Variants in TAFA4 observed in about 807,000 individuals in gnomAD.
The protein encoded by TAFA4 is TAFA chemokine like family member 4, also known as chemokine-like protein TAFA-4.
TAFA4 carries 20 observed loss-of-function variants against 21.1 expected under a neutral mutation model. That is an observed-to-expected ratio of 0.95 (90% confidence interval 0.67 to 1.38). The LOEUF (loss-of-function observed/expected upper bound fraction) is 1.38, where lower values mean the gene tolerates loss of function less well. Ranked by LOEUF, TAFA4 falls within the 40% of genes most tolerant of loss-of-function variation. TAFA4 has a pLI of 0.00. For missense variants in TAFA4, 211 were observed against 180.9 expected (o/e 1.17, Z -0.95); for synonymous variants, 71 against 67.4 (o/e 1.05, Z -0.26).
chr3:68,882,604 A>T (rs2089631104), intron 2 of TAFA4, among the ~76,000 whole-genome samples: 1 of 152,198 alleles, frequency 6.6e-6, no homozygotes, highest in Admixed American at 6.5e-5. Flanking sequence ...TAACAAATAG[A>T]TTGATAGCTG....
chr3:68,889,823 C>G (rs979689152), intron 1 of TAFA4, among the ~76,000 whole-genome samples: 1 of 152,084 alleles, frequency 6.6e-6, no homozygotes, highest in Non-Finnish European at 1.5e-5. Context: ...CAAATAAAGG[C>G]AAGAAACATG....
At chr3:68,759,331 G>T (rs1245820883) in intron 3 of TAFA4, among the ~76,000 whole-genome samples, 1 of 152,144 alleles carries the variant, frequency 6.6e-6, no homozygotes, top group Non-Finnish European at 1.5e-5. Flanking sequence ...TTTTTACCAA[G>T]TATCTGGGTA....
At chr3:68,900,818 TCA>T (rs1415044492) in intron 1 of TAFA4, among the ~76,000 whole-genome samples, 4 of 152,220 alleles carry the variant, frequency 2.6e-5, no homozygotes, top group Non-Finnish European at 2.9e-5. Context: ...GGTTTTGCAA[TCA>T]CAGTTTCCAC....
At chr3:68,916,954 A>G (rs965096136) in intron 1 of TAFA4, among the ~76,000 whole-genome samples, 1 of 152,224 alleles carries the variant, frequency 6.6e-6, no homozygotes, top group Non-Finnish European at 1.5e-5. Context: ...TCTGTAAAAC[A>G]TAGTCCTGAT....
At chr3:68,811,626 A>G (rs1382606153) in intron 3 of TAFA4, among the ~76,000 whole-genome samples, 1 of 152,086 alleles carries the variant, frequency 6.6e-6, no homozygotes, top group Non-Finnish European at 1.5e-5. Flanking sequence ...TTTAGAGAAA[A>G]AAGAATAAAA....
intron 1 of TAFA4, among the ~76,000 whole-genome samples, chr3:68,922,775 T>C (rs993215719): frequency 6.6e-6 from 1 of 152,240 alleles, no homozygotes; most frequent in Non-Finnish European, 1.5e-5. Context: ...TGAGGAATTT[T>C]TTCCTTTCCT....
intron 1 of TAFA4, among the ~76,000 whole-genome samples, chr3:68,931,868 C>T (rs1386632383): frequency 6.6e-6 from 1 of 152,140 alleles, no homozygotes; most frequent in Non-Finnish European, 1.5e-5. Context: ...GTCGACTTGT[C>T]CAGAAAAGAG....
intron 1 of TAFA4, among the ~76,000 whole-genome samples, chr3:68,900,286 T>TAATAAC (rs1553652758): frequency 1.7e-4 from 5 of 28,838 alleles, no homozygotes; most frequent in Non-Finnish European, 2.3e-4. Flanking sequence ...ATAATAACAA[T>TAATAAC]AATAATAATA....
chr3:68,884,066 AG>A (rs1475214871), intron 2 of TAFA4, among the ~76,000 whole-genome samples: 1 of 152,246 alleles, frequency 6.6e-6, no homozygotes, highest in Non-Finnish European at 1.5e-5. Context: ...GATGTTCTTC[AG>A]TAATGAAAGT....
At chr3:68,928,433 G>A (rs912121671) in intron 1 of TAFA4, among the ~76,000 whole-genome samples, 1 of 152,122 alleles carries the variant, frequency 6.6e-6, no homozygotes. Context: ...TTAATAGATT[G>A]ATATTCTGAG....
intron 3 of TAFA4, among the ~76,000 whole-genome samples, chr3:68,823,416 G>C (rs1433189440): frequency 1.3e-5 from 2 of 152,030 alleles, no homozygotes; most frequent in African/African-American, 4.8e-5. Flanking sequence ...TCAAATTATG[G>C]TAGTTTTGAG....
intron 1 of TAFA4, among the ~76,000 whole-genome samples, chr3:68,925,698 T>C (rs2090100948): frequency 6.6e-6 from 1 of 152,188 alleles, no homozygotes; most frequent in East Asian, 1.9e-4. Context: ...GAATAACATA[T>C]AGCCATGAAA....
chr3:68,847,771 A>G (rs910859545), intron 3 of TAFA4, among the ~76,000 whole-genome samples: 13 of 152,248 alleles, frequency 8.5e-5, no homozygotes, highest in African/African-American at 2.9e-4. Flanking sequence ...GAACACGGTA[A>G]GGTGTGAAAC....
intron 1 of TAFA4, among the ~76,000 whole-genome samples, chr3:68,893,565 T>C (rs563428337): frequency 6.6e-6 from 1 of 152,366 alleles, no homozygotes; most frequent in South Asian, 2.1e-4. Context: ...TTTAACCGGA[T>C]GACCTCCGAG....
chr3:68,756,686 C>T (rs1011016877), intron 3 of TAFA4, among the ~76,000 whole-genome samples: 4 of 152,102 alleles, frequency 2.6e-5, no homozygotes, highest in African/African-American at 9.7e-5. Flanking sequence ...AGAACCAGTA[C>T]CCAGAGAATC....
At chr3:68,746,149 G>C (rs894736608) in intron 4 of TAFA4, among the ~76,000 whole-genome samples, 1 of 152,108 alleles carries the variant, frequency 6.6e-6, no homozygotes, top group Non-Finnish European at 1.5e-5. Flanking sequence ...TTTCCCAGGG[G>C]CTCTGGGCTC....
At chr3:68,872,032 A>G (rs1006340771) in intron 3 of TAFA4, among the ~76,000 whole-genome samples, 7 of 152,190 alleles carry the variant, frequency 4.6e-5, no homozygotes, top group African/African-American at 1.7e-4. Flanking sequence ...CAAATGATCC[A>G]GCAATCCCAT....
intron 1 of TAFA4, among the ~76,000 whole-genome samples, chr3:68,892,019 T>C (rs2089735078): frequency 6.6e-6 from 1 of 152,200 alleles, no homozygotes; most frequent in South Asian, 2.1e-4. Context: ...TTAAAGAGTG[T>C]GCTGATGAAA....
At chr3:68,738,709 A>T (rs1702287800) in intron 5 of TAFA4, among the ~76,000 whole-genome samples, 1 of 152,228 alleles carries the variant, frequency 6.6e-6, no homozygotes, top group Non-Finnish European at 1.5e-5. Context: ...AATCTCCTTT[A>T]AAGCAATAGG....
Sources: allele counts gnomAD v4.1 joint callset (sites outside exome capture counted in the v4.1 genomes callset), GRCh38; gene constraint gnomAD v4.1.1; transcripts MANE v1.5; gene names NCBI Gene and HGNC (gene_info 2026-07-23, HGNC 2026-07-21).